Variants in ENTREP2 observed in about 807,000 individuals in gnomAD.
ENTREP2 encodes the protein endosomal transmembrane epsin interactor 2.
At chr15:29,139,093 C>T in the ENTREP2 span, among the ~76,000 whole-genome samples, 2 of 152,196 alleles carry the variant, frequency 1.3e-5, no homozygotes, top group Middle Eastern at 3.4e-3. Flanking sequence ...TGGGCTGGAG[C>T]TGACAGAGGC....
chr15:29,369,265 T>C, the ENTREP2 span, among the ~76,000 whole-genome samples: 1 of 152,078 alleles, frequency 6.6e-6, no homozygotes, highest in Non-Finnish European at 1.5e-5. Context: ...CTCAAAGAGA[T>C]CCATGCCTAG....
the ENTREP2 span, among the ~76,000 whole-genome samples, chr15:29,308,555 G>A: frequency 1.3e-5 from 2 of 152,116 alleles, no homozygotes; most frequent in Admixed American, 1.3e-4. Flanking sequence ...CGGCCCTAGC[G>A]CTCACTGCAT....
At chr15:29,651,794 G>A in the ENTREP2 span, among the ~76,000 whole-genome samples, 1 of 152,238 alleles carries the variant, frequency 6.6e-6, no homozygotes, top group African/African-American at 2.4e-5. Flanking sequence ...AGCATGGGAG[G>A]GGAAGCCAAG....
At chr15:29,265,944 G>A in the ENTREP2 span, 1 of 152,140 alleles carries the variant, frequency 6.6e-6, no homozygotes, top group African/African-American at 2.4e-5. Flanking sequence ...TAGGATTAGG[G>A]GAATTTTTTA....
At chr15:29,478,019 A>ATATATTTTTTTTTTTTT in the ENTREP2 span, among the ~76,000 whole-genome samples, 5 of 54,276 alleles carry the variant, frequency 9.2e-5, no homozygotes, top group African/African-American at 3.6e-4. Flanking sequence ...ATATATATAT[A>ATATATTTTTTTTTTTTT]TTTTTTTTTT....
chr15:29,138,591 GTA>G, the ENTREP2 span, among the ~76,000 whole-genome samples: 1 of 151,846 alleles, frequency 6.6e-6, no homozygotes, highest in African/African-American at 2.4e-5. Flanking sequence ...ATGTGTCTGT[GTA>G]TATATGTATG....
the ENTREP2 span, among the ~76,000 whole-genome samples, chr15:29,150,446 G>A: frequency 2.0e-4 from 31 of 152,326 alleles, no homozygotes; most frequent in African/African-American, 7.2e-4. Flanking sequence ...CTGTAAGTTT[G>A]GTCAAATGGA....
At chr15:29,619,475 G>T in the ENTREP2 span, among the ~76,000 whole-genome samples, 73 of 152,178 alleles carry the variant, frequency 4.8e-4, 2 homozygotes, top group African/African-American at 1.8e-3. Flanking sequence ...AACACTGAGG[G>T]TTAAATAACT....
chr15:29,481,981 T>C, the ENTREP2 span, among the ~76,000 whole-genome samples: 1 of 151,466 alleles, frequency 6.6e-6, no homozygotes, highest in Non-Finnish European at 1.5e-5. Flanking sequence ...CAGAGTGGTG[T>C]ATTTCTTTTT....
chr15:29,650,955 G>T, the ENTREP2 span, among the ~76,000 whole-genome samples: 21 of 152,220 alleles, frequency 1.4e-4, no homozygotes, highest in Non-Finnish European at 2.5e-4. Context: ...GTTTGAGACT[G>T]CAGTCAGCTA....
the ENTREP2 span, among the ~76,000 whole-genome samples, chr15:29,573,998 TAAAG>T: frequency 6.6e-6 from 1 of 151,490 alleles, no homozygotes; most frequent in East Asian, 1.9e-4. Flanking sequence ...GAGTGAATCA[TAAAG>T]AAAGAAAGGA....
chr15:29,558,408 T>C, the ENTREP2 span, among the ~76,000 whole-genome samples: 1 of 151,772 alleles, frequency 6.6e-6, no homozygotes, highest in Non-Finnish European at 1.5e-5. Context: ...CTGCAGACCA[T>C]GGCACAGGCC....
chr15:29,500,966 G>A, the ENTREP2 span, among the ~76,000 whole-genome samples: 1 of 152,024 alleles, frequency 6.6e-6, no homozygotes, highest in African/African-American at 2.4e-5. Flanking sequence ...TACCCTAGAT[G>A]AAATGGACAA....
chr15:29,446,971 T>A, the ENTREP2 span, among the ~76,000 whole-genome samples: 1 of 152,178 alleles, frequency 6.6e-6, no homozygotes, highest in Non-Finnish European at 1.5e-5. Flanking sequence ...TTACATCCCT[T>A]TTCGAGGTCA....
chr15:29,257,608 T>C, the ENTREP2 span, among the ~76,000 whole-genome samples: 1 of 152,220 alleles, frequency 6.6e-6, no homozygotes, highest in Admixed American at 6.5e-5. Context: ...TGGTACTATT[T>C]TTCATTCCCA....
the ENTREP2 span, among the ~76,000 whole-genome samples, chr15:29,598,085 G>A: frequency 6.6e-5 from 10 of 151,794 alleles, no homozygotes; most frequent in African/African-American, 2.2e-4. Flanking sequence ...ATCACACCAC[G>A]CACTCTAGCC....
chr15:29,658,045 T>C, the ENTREP2 span, among the ~76,000 whole-genome samples: 1 of 151,946 alleles, frequency 6.6e-6, no homozygotes. Flanking sequence ...AAATCAGGAG[T>C]TGCCAATGCT....
At chr15:29,253,245 T>TG in the ENTREP2 span, among the ~76,000 whole-genome samples, 199 of 152,312 alleles carry the variant, frequency 1.3e-3, no homozygotes, top group African/African-American at 4.5e-3. Flanking sequence ...AGACAGTCTA[T>TG]GGGTTTCCCA....
chr15:29,136,907 C>T, the ENTREP2 span: 1 of 843,480 alleles, frequency 1.2e-6, no homozygotes, highest in Non-Finnish European at 1.7e-6. Context: ...ATGTCTAAGA[C>T]CCTCTCCTTC....
Sources: allele counts gnomAD v4.1 joint callset (sites outside exome capture counted in the v4.1 genomes callset), GRCh38; gene constraint gnomAD v4.1.1; transcripts MANE v1.5; gene names NCBI Gene and HGNC (gene_info 2026-07-23, HGNC 2026-07-21).